Variants in CD55 observed in about 807,000 individuals in gnomAD.
CD55 encodes CD55 molecule (Cromer blood group).
A neutral mutation model predicts 45.8 loss-of-function variants in CD55; 41 were observed. That is an observed-to-expected ratio of 0.90 (90% confidence interval 0.70 to 1.16). CD55 has a LOEUF of 1.16. CD55 is among the 50% of genes most tolerant of loss of function. CD55 has a pLI of 0.00. For missense variants in CD55, 416 were observed against 469.8 expected, an observed-to-expected ratio of 0.89 and a Z score of 1.06; for synonymous variants, 181 against 181.1, an observed-to-expected ratio of 1.00 and a Z score of 0.01.
In CD55 at chr1:207,336,821, A is replaced by G; in HGVS notation, c.979+3A>G. 1.2e-6 allele frequency: 2 copies of G among 1,613,786 alleles called. No homozygotes were observed. Among genetic ancestry groups the G allele is most frequent in the Non-Finnish European group, 1.7e-6 (2 of 1,179,780 alleles). ...AACCACCACACCAAATGCTCAAGGT[A>G]CAGAGACTCCATCAGTTCTTCAAAA... On this transcript the variant is annotated splice_donor_region_variant and intron_variant, in intron 7 of 9. Transcript: ENST00000367064.
intron 9 of CD55, 22 bp from the exon 10 acceptor site, chr1:207,359,516 CTTTTTTTT>C (rs56236833): frequency 6.2e-6 from 8 of 1,283,768 alleles, no homozygotes; most frequent in Middle Eastern, 2.6e-4. Context: ...TTGATTTTAA[CTTTTTTTT>C]TTTTTTTTTT....
intron 9 of CD55, among the ~76,000 whole-genome samples, chr1:207,351,000 T>G (rs927821351): frequency 6.6e-6 from 1 of 152,204 alleles, no homozygotes; most frequent in Non-Finnish European, 1.5e-5. Context: ...CTACAAACTT[T>G]CCTCTTGACA....
At chr1:207,326,418 T>C (rs1252321575) in intron 4 of CD55, among the ~76,000 whole-genome samples, 1 of 152,200 alleles carries the variant, frequency 6.6e-6, no homozygotes, top group African/African-American at 2.4e-5. Context: ...AAGTACATTC[T>C]ATTATTCTGT....
intron 1 of CD55, 147 bp downstream of exon 1, chr1:207,322,012 T>G (rs1654431866): frequency 1.6e-6 from 1 of 626,742 alleles, no homozygotes; most frequent in African/African-American, 1.8e-5. Flanking sequence ...CCTTTAAGGC[T>G]CTCGCCGCTC....
intron 9 of CD55, among the ~76,000 whole-genome samples, chr1:207,355,279 G>T (rs935648909): frequency 7.5e-6 from 1 of 133,884 alleles, no homozygotes; most frequent in East Asian, 2.6e-4. Flanking sequence ...CATTTCCTTT[G>T]TAGTAAAGAC....
intron 5 of CD55, 29 bp from the exon 6 acceptor site, chr1:207,331,074 ATTTAT>A (rs750431311): frequency 9.0e-6 from 13 of 1,442,978 alleles, no homozygotes; most frequent in Admixed American, 1.9e-5. Flanking sequence ...TACTAGTTTT[ATTTAT>A]TTAAAAGATG....
At chr1:207,342,044 G>T (rs1305825787) in intron 9 of CD55, among the ~76,000 whole-genome samples, 1 of 151,664 alleles carries the variant, frequency 6.6e-6, no homozygotes, top group Non-Finnish European at 1.5e-5. Context: ...TTCTCAGTTT[G>T]TTCATTATTG....
intron 2 of CD55, among the ~76,000 whole-genome samples, chr1:207,323,609 G>A (rs937577801): frequency 6.6e-6 from 1 of 152,136 alleles, no homozygotes. Flanking sequence ...AAGATAAAGA[G>A]ACCCGATAAC....
Position 207,353,971 on chromosome 1 carries a change from T to C in CD55, c.1082-5575T>C, listed in dbSNP as rs767659413. The C allele has an allele frequency of 5.9e-6, 9 of 1,524,812 alleles. No homozygotes were observed. The African/African-American group carries it at 8.2e-5, about 14-fold the overall frequency. 94.5% of individuals were successfully genotyped at this position (1,524,812 alleles called of 1,614,324 possible). A position where few individuals can be genotyped will look rare whatever the true frequency, so the allele number is the denominator to read the frequency against. The stretch of plus-strand genomic sequence containing the variant: ...ACAAAACCTTTCCATAACTTTTTGT[T>C]TTCATAGCACATGCATTGCATTTCC... On this transcript the variant is annotated intron_variant, in intron 9 of 9. Transcript: ENST00000367064.
At chr1:207,343,569 A>G (rs1332713865) in intron 9 of CD55, among the ~76,000 whole-genome samples, 1 of 152,138 alleles carries the variant, frequency 6.6e-6, no homozygotes, top group Non-Finnish European at 1.5e-5. Context: ...TTTCAAATTT[A>G]TTGAGACTTG....
Position 207,324,559 on chromosome 1 carries a change from G to A in CD55, c.287G>A (p.Arg96His), listed in dbSNP as rs1467999784. 3.2e-6 allele frequency: 5 copies of A among 1,543,522 alleles called. No homozygotes were observed. The highest frequency in any genetic ancestry group is 1.4e-5 in the African/African-American group (1 of 72,248). Residue 96 changes from arginine (R) to histidine (H), a missense_variant and splice_region_variant, in exon 3 of 10, where the codon CGT becomes CAT. Transcript: ENST00000367064. Reference protein sequence around the residue: ...QWSDIEEFCNRSCEVPTRLNS... With the variant: ...QWSDIEEFCNHSCEVPTRLNS... ...TTGCTGCTTTTGTTAATACTTTTAG[G>A]TAGCTGCGAGGTGCCAACAAGGCTA... is the stretch of plus-strand genomic sequence containing the variant.
intron 5 of CD55, among the ~76,000 whole-genome samples, chr1:207,330,040 T>TC (rs28371609): frequency 0.69 from 105,150 of 151,988 alleles, 36,847 homozygotes; most frequent in Middle Eastern, 0.83. Flanking sequence ...GAATCTTTTT[T>TC]CCCACTAGCT....
rs1336671626 is a variant in CD55 at position 207,354,063 on chromosome 1, A to G, written c.1082-5483A>G. The G allele has an allele frequency of 3.9e-6, 6 of 1,535,422 alleles. No individual in the cohort carries two copies. The South Asian group carries it at 6.0e-5, about 15-fold the overall frequency. On this transcript the variant is annotated intron_variant, in intron 9 of 9. Coordinates refer to ENST00000367064, the MANE Select transcript of CD55 (RefSeq NM_000574.5). ...GTCATCCCACATTTCTTCAAAAAAG[A>G]TGATGTGCATCCTCTAGGTCACTCC...
At chr1:207,324,890 T>G in intron 3 of CD55, 140 bp downstream of exon 3, 1 of 438,684 alleles carries the variant, frequency 2.3e-6, no homozygotes, top group Non-Finnish European at 4.0e-6. Flanking sequence ...TGTCAATTTA[T>G]TTTGAATTAG....
At chr1:207,357,583 G>A (rs1656126441) in intron 9 of CD55, among the ~76,000 whole-genome samples, 1 of 150,308 alleles carries the variant, frequency 6.7e-6, no homozygotes, top group African/African-American at 2.5e-5. Context: ...GCGGAGGGCG[G>A]GCGGGGGCAG....
rs28371627 is a variant in CD55 at position 207,337,928 on chromosome 1, C to T, written c.1060+519C>T. On this transcript the variant is annotated intron_variant, in intron 8 of 9. Coordinates refer to ENST00000367064, the MANE Select transcript of CD55 (RefSeq NM_000574.5). ...TCGTATTATTACAAGGCTCTATAAA[C>T]GATAGGTTCTCAGTGGCACCAAGTA... is the stretch of plus-strand genomic sequence containing the variant. 9.5e-3 allele frequency among the ~76,000 whole-genome samples: 1,443 copies of T among 152,226 alleles called. 20 individuals carry two copies. Among genetic ancestry groups the T allele is most frequent in the African/African-American group, 0.031 (1,299 of 41,538 alleles).
intron 2 of CD55, 65 bp downstream of exon 2, chr1:207,322,632 A>G: frequency 7.5e-7 from 1 of 1,333,782 alleles, no homozygotes; most frequent in Non-Finnish European, 1.0e-6. Flanking sequence ...ATTTTTATAT[A>G]CCTTTGGAGT....
At chr1:207,322,169 T>G (rs1056391737) in intron 1 of CD55, 1 of 702,056 alleles carries the variant, frequency 1.4e-6, no homozygotes, top group Non-Finnish European at 2.6e-6. Context: ...ACTGTATCCT[T>G]AACCCCCAAA....
rs144950436 is a variant in CD55 at position 207,321,713 on chromosome 1, G to A, written c.-53G>A. The A allele has an allele frequency of 8.1e-6, 11 of 1,350,836 alleles. No individual in the cohort carries two copies. The African/African-American group carries it at 1.5e-4, about 19-fold the overall frequency. 83.7% of individuals were successfully genotyped at this position (1,350,836 alleles called of 1,614,324 possible). On this transcript the variant is annotated 5_prime_UTR_variant, in exon 1 of 10. Transcript: ENST00000367064. ...CAACTCGCTCCGGCCGCTGGGCGTAGCTGCGACTCGGCGGAGTCCCGGCGG... is the reference window on the plus strand; with the variant it reads ...CAACTCGCTCCGGCCGCTGGGCGTAACTGCGACTCGGCGGAGTCCCGGCGG...
Sources: gnomAD v4.1 joint callset for allele counts (sites outside exome capture counted in the v4.1 genomes callset) on GRCh38, gnomAD v4.1.1 for gene constraint, MANE v1.5 for transcripts, NCBI Gene and HGNC (gene_info 2026-07-23, HGNC 2026-07-21) for gene names.